The following DCAF10 variants were observed in gnomAD, a reference collection of about 807,000 sequenced individuals.
The protein encoded by DCAF10 is DDB1 and CUL4 associated factor 10.
Under a neutral mutation model 51.9 loss-of-function variants are expected in DCAF10, and 19 were observed. The observed-to-expected ratio is 0.37, with a 90% confidence interval of 0.26 to 0.54. DCAF10 has a LOEUF of 0.54. Ranked by LOEUF, DCAF10 falls within the 20% of genes least tolerant of loss-of-function variation. DCAF10 has a pLI of 0.87. For missense variants in DCAF10, 510 were observed against 730.6 expected (o/e 0.70, Z 3.48); for synonymous variants, 291 against 297.1 (o/e 0.98, Z 0.21).
At chr9:37,821,104 TACAC>T (rs1554686348) in intron 2 of DCAF10, among the ~76,000 whole-genome samples, 2 of 132,306 alleles carry the variant, frequency 1.5e-5, no homozygotes, top group African/African-American at 5.4e-5. Context: ...TATATATATA[TACAC>T]ACACACACAC....
intron 5 of DCAF10, among the ~76,000 whole-genome samples, chr9:37,859,332 C>G (rs1017383189): frequency 6.6e-6 from 1 of 152,202 alleles, no homozygotes; most frequent in East Asian, 1.9e-4. Context: ...TGCTTCCTTA[C>G]AGTGTCTATG....
At chr9:37,803,694 A>C (rs568751684) in intron 1 of DCAF10, among the ~76,000 whole-genome samples, 94 of 148,116 alleles carry the variant, frequency 6.3e-4, no homozygotes, top group South Asian at 3.5e-3. Context: ...GTAGGACTTA[A>C]AGTAATTTTA....
upstream of DCAF10, chr9:37,800,786 C>A: frequency 6.6e-7 from 1 of 1,517,558 alleles, no homozygotes; most frequent in Non-Finnish European, 8.8e-7. Flanking sequence ...CCGCTGCACG[C>A]CGGAAGTGGC....
Position 37,829,603 on chromosome 9 carries a change from C to T in DCAF10, c.653+10202C>T, listed in dbSNP as rs10118319. On this transcript the variant is annotated intron_variant, in intron 2 of 6. Coordinates refer to ENST00000377724, the MANE Select transcript of DCAF10 (RefSeq NM_024345.5). The surrounding 1 kb of genome is among the most constrained non-coding windows in gnomAD (Gnocchi z 4.2). ...CTTGCTATTTCTCTCGGCAGCGAAA[C>T]GTTGAGAAATAGGCACTCTTAGATA... 0.023 allele frequency among the ~76,000 whole-genome samples: 3,512 copies of T among 152,122 alleles called. 131 individuals carry two copies. The highest frequency in any genetic ancestry group is 0.08 in the African/African-American group (3,316 of 41,524).
At chr9:37,819,484 T>C (rs1829642254) in intron 2 of DCAF10, 83 bp downstream of exon 2, 1 of 949,702 alleles carries the variant, frequency 1.1e-6, no homozygotes, top group Middle Eastern at 3.1e-4. Flanking sequence ...TGAAAATGTT[T>C]AATGCCTTAT....
intron 2 of DCAF10, among the ~76,000 whole-genome samples, chr9:37,828,119 C>T (rs1234840487): frequency 6.6e-6 from 1 of 152,070 alleles, no homozygotes; most frequent in East Asian, 1.9e-4. Flanking sequence ...CGCTGCTGAC[C>T]TCAAGCGATC....
At chr9:37,827,395 C>CA (rs1564033278) in intron 2 of DCAF10, among the ~76,000 whole-genome samples, 2 of 151,852 alleles carry the variant, frequency 1.3e-5, no homozygotes, top group South Asian at 4.1e-4. Context: ...AAAACAAAAA[C>CA]AAAAAGAAAA....
intron 2 of DCAF10, among the ~76,000 whole-genome samples, chr9:37,822,375 A>T (rs1829728025): frequency 6.7e-6 from 1 of 149,842 alleles, no homozygotes; most frequent in East Asian, 2.0e-4. Flanking sequence ...CCAAATGCCC[A>T]TTAATCAATG....
intron 2 of DCAF10, among the ~76,000 whole-genome samples, chr9:37,826,014 G>T (rs10973570): frequency 6.7e-6 from 1 of 149,120 alleles, no homozygotes; most frequent in Non-Finnish European, 1.5e-5. Context: ...CAGCCTGAGC[G>T]ACAGAGCGAG....
intron 3 of DCAF10, among the ~76,000 whole-genome samples, chr9:37,849,286 GAAGAAA>G (rs1294267834): frequency 6.6e-6 from 1 of 152,150 alleles, no homozygotes; most frequent in Non-Finnish European, 1.5e-5. Context: ...GGATTGGAAA[GAAGAAA>G]ACACTATTAT....
At chr9:37,810,219 A>C (rs1829294748) in intron 1 of DCAF10, among the ~76,000 whole-genome samples, 1 of 152,190 alleles carries the variant, frequency 6.6e-6, no homozygotes. Context: ...CCAAACTTCC[A>C]ACTGAGAATA....
intron 1 of DCAF10, among the ~76,000 whole-genome samples, chr9:37,808,680 A>AATTTAT: frequency 9.7e-6 from 1 of 103,376 alleles, no homozygotes; most frequent in Admixed American, 1.3e-4. Context: ...TATAATATAA[A>AATTTAT]ATATAAATAT....
At chr9:37,847,253 C>CAAAAAAAAAAAAAAA (rs78089886) in intron 3 of DCAF10, among the ~76,000 whole-genome samples, 2 of 32,952 alleles carry the variant, frequency 6.1e-5, no homozygotes, top group African/African-American at 9.8e-5. Context: ...AACTCCATCT[C>CAAAAAAAAAAAAAAA]AAAAAAAAAA....
intron 3 of DCAF10, among the ~76,000 whole-genome samples, chr9:37,851,469 T>C (rs1291159000): frequency 6.8e-6 from 1 of 147,026 alleles, no homozygotes; most frequent in Non-Finnish European, 1.5e-5. Flanking sequence ...CATGAGCCAC[T>C]GCACCTAGCC....
chr9:37,853,152 C>CAA (rs557423413), intron 3 of DCAF10, among the ~76,000 whole-genome samples: 16,099 of 80,632 alleles, frequency 0.2, 1,109 homozygotes, highest in Middle Eastern at 0.27. Flanking sequence ...AACTCCGTCT[C>CAA]AAAAAAAAAA....
intron 2 of DCAF10, among the ~76,000 whole-genome samples, chr9:37,823,392 G>A (rs1161292821): frequency 6.6e-6 from 1 of 152,106 alleles, no homozygotes; most frequent in East Asian, 1.9e-4. Flanking sequence ...ATTACCTACA[G>A]AAGTACAATA....
intron 1 of DCAF10, among the ~76,000 whole-genome samples, chr9:37,814,440 G>A (rs973002374): frequency 3.3e-5 from 5 of 149,522 alleles, no homozygotes; most frequent in African/African-American, 9.8e-5. Flanking sequence ...GAGCCACCAC[G>A]CCTGGCCTTC....
Position 37,857,336 on chromosome 9 carries a change from G to A in DCAF10, c.1150G>A (p.Ala384Thr). 6.2e-7 allele frequency: 1 copy of A among 1,603,012 alleles called. No homozygotes were observed. The highest frequency in any genetic ancestry group is 8.5e-7 in the Non-Finnish European group (1 of 1,176,550). The change falls in exon 5 of 7, where the codon GCC (alanine) becomes ACC (threonine). Residue 384 changes from alanine (A) to threonine (T), a missense_variant. Around this residue, in one of 4 missense-constraint regions of DCAF10, gnomAD observed 29 missense variants for 24.9 expected, o/e 1.16. Transcript: ENST00000377724. ...SNSSEKHMSR[A>T]SQREGVSPRN... Reference sequence around the variant, plus strand: ...TTCTTCTGAGAAACACATGTCACGAGCCTCTCAAAGAGAAGGTAGGTTAAA... The same window carrying A: ...TTCTTCTGAGAAACACATGTCACGAACCTCTCAAAGAGAAGGTAGGTTAAA...
At chr9:37,805,016 A>G (rs917243409) in intron 1 of DCAF10, among the ~76,000 whole-genome samples, 1 of 152,214 alleles carries the variant, frequency 6.6e-6, no homozygotes, top group Non-Finnish European at 1.5e-5. Context: ...CAGACCTCCA[A>G]TAAAGGAATT....
Sources: allele counts gnomAD v4.1 joint callset (sites outside exome capture counted in the v4.1 genomes callset), GRCh38; gene constraint gnomAD v4.1.1; regional missense constraint gnomAD v4.1.1; non-coding constraint Gnocchi (gnomAD v3.1); transcripts MANE v1.5; gene names NCBI Gene and HGNC (gene_info 2026-07-23, HGNC 2026-07-21).